MRS2: variants seen among roughly 807,000 people sequenced by gnomAD.
The protein encoded by MRS2 is magnesium transporter MRS2 homolog, mitochondrial.
A neutral mutation model predicts 52.6 loss-of-function variants in MRS2; 40 were observed. That is an observed-to-expected ratio of 0.76 (90% CI 0.59 to 0.99). The LOEUF (loss-of-function observed/expected upper bound fraction) is 0.99, where lower values mean the gene tolerates loss of function less well. MRS2 is among the 50% of genes least tolerant of loss of function. The pLI, the probability that MRS2 is intolerant of heterozygous loss-of-function variation, is 0.00. For synonymous variants in MRS2, 193 were observed against 195.9 expected (o/e 0.98, Z 0.13); for missense variants, 472 against 532.7 (o/e 0.89, Z 1.12).
Position 24,412,271 on chromosome 6 carries a change from G to T in MRS2, c.464G>T (p.Arg155Leu), listed in dbSNP as rs769862190. ...GAGTGTCTTCTGATATTAGATTATC[G>T]TAATTTAAACTTAGAGCAATGGCTG... ...TPECLLILDYRNLNLEQWLFR... is the reference protein window; with the variant it reads ...TPECLLILDYLNLNLEQWLFR... Residue 155 changes from arginine to leucine, a missense_variant, in exon 5 of 11, where the codon CGT (arginine) becomes CTT (leucine). Arg to Leu is a moderately radical substitution (Grantham distance 102). Transcript: ENST00000378386. The T allele has an allele frequency of 1.3e-6, 2 of 1,592,570 alleles. No homozygotes were observed. The highest frequency in any genetic ancestry group is 1.7e-6 in the Non-Finnish European group (2 of 1,171,096).
chr6:24,415,111 C>T lies in MRS2; in HGVS notation c.667C>T (p.His223Tyr). The change falls in exon 6 of 11, where the codon CAT becomes TAT. Residue 223 changes from histidine (H) to tyrosine (Y), a missense_variant. Transcript: ENST00000378386. Reference sequence around the variant, plus strand: ...CTTGGATGCTTTGGTGGACCCCAAACATTCTTCTGTAGACAGAAGCAAACT... The same window carrying T: ...CTTGGATGCTTTGGTGGACCCCAAATATTCTTCTGTAGACAGAAGCAAACT... ...ETLDALVDPK[H>Y]SSVDRSKLHI... is the part of the protein sequence containing the mutation. 1 of 1,611,620 alleles carries T rather than the reference C, an allele frequency of 6.2e-7. No homozygotes were observed. Among genetic ancestry groups the T allele is most frequent in the Non-Finnish European group, 8.5e-7 (1 of 1,178,168 alleles).
intron 9 of MRS2, among the ~76,000 whole-genome samples, chr6:24,420,784 G>A (rs1762019145): frequency 6.6e-6 from 1 of 152,158 alleles, no homozygotes; most frequent in Non-Finnish European, 1.5e-5. Flanking sequence ...AGTAAAGATT[G>A]AGGCAGGAAC....
intron 9 of MRS2, among the ~76,000 whole-genome samples, chr6:24,420,416 A>G (rs1160707283): frequency 1.3e-5 from 2 of 152,218 alleles, no homozygotes; most frequent in South Asian, 2.1e-4. Flanking sequence ...CAAAGACAGT[A>G]TTAGTCATTT....
intron 4 of MRS2, chr6:24,410,628 C>A: frequency 1.1e-6 from 1 of 939,978 alleles, no homozygotes. Flanking sequence ...TGTGACCAGC[C>A]TAAGCAACAT....
chr6:24,417,541 CA>C (rs1168157767), intron 7 of MRS2, among the ~76,000 whole-genome samples: 13 of 152,190 alleles, frequency 8.5e-5, no homozygotes, highest in African/African-American at 3.1e-4. Flanking sequence ...CCATGTAATA[CA>C]GTGACACCAA....
intron 9 of MRS2, chr6:24,419,322 G>GTACT (rs1761967241): frequency 6.6e-6 from 1 of 152,188 alleles, no homozygotes; most frequent in Non-Finnish European, 1.5e-5. Flanking sequence ...AATTCAGGCA[G>GTACT]TACTGTTGGA....
intron 9 of MRS2, chr6:24,418,866 TC>T: frequency 4.1e-6 from 1 of 244,692 alleles, no homozygotes. Flanking sequence ...GCCGTTGCAC[TC>T]CAGCCTGGGA....
In MRS2 at chr6:24,403,171, G is replaced by A. The variant is rs751159587; in HGVS notation, c.125G>A (p.Arg42Gln). 15 of 1,607,852 alleles carry A rather than the reference G, an allele frequency of 9.3e-6. No homozygotes were observed. In the East Asian group the frequency reaches 2.0e-4, roughly 21 times the overall value. The change falls in exon 1 of 11, where the codon CGA becomes CAA. Residue 42 changes from arginine to glutamine, a missense_variant. Transcript: ENST00000378386. Reference sequence around the variant, plus strand: ...CCTCCCGTTGCTGCCTGCGGCCGCCGAGCCAACCTGATTGGAAGGAGCCGA... The same window carrying A: ...CCTCCCGTTGCTGCCTGCGGCCGCCAAGCCAACCTGATTGGAAGGAGCCGA... ...VGPPVAACGR[R>Q]ANLIGRSRAA...
chr6:24,415,712 T>C (rs1180172696), intron 6 of MRS2, among the ~76,000 whole-genome samples: 10 of 152,224 alleles, frequency 6.6e-5, no homozygotes, highest in Admixed American at 2.6e-4. Flanking sequence ...CACTGCCATG[T>C]TGATTAATAA....
chr6:24,411,728 G>C (rs916036292), intron 4 of MRS2, among the ~76,000 whole-genome samples: 1 of 151,988 alleles, frequency 6.6e-6, no homozygotes, highest in Non-Finnish European at 1.5e-5. Context: ...TAGTAGAGAC[G>C]GGGTTTCACC....
chr6:24,420,217 T>G (rs1378082381), intron 9 of MRS2, among the ~76,000 whole-genome samples: 1 of 152,184 alleles, frequency 6.6e-6, no homozygotes, highest in Non-Finnish European at 1.5e-5. Context: ...ATCCCCGTTT[T>G]GCTTAGTTAC....
intron 9 of MRS2, among the ~76,000 whole-genome samples, chr6:24,420,462 GTTCA>G (rs1376954832): frequency 1.3e-5 from 2 of 152,306 alleles, no homozygotes; most frequent in East Asian, 3.9e-4. Context: ...AAATACATGT[GTTCA>G]TTCATCTCAC....
intron 2 of MRS2, among the ~76,000 whole-genome samples, chr6:24,406,219 C>T (rs1427057282): frequency 1.3e-5 from 2 of 151,958 alleles, no homozygotes; most frequent in Non-Finnish European, 2.9e-5. Flanking sequence ...ATCTTTGTGC[C>T]TTAGTTTTCT....
At chr6:24,403,601 T>C (rs1252888641) in intron 1 of MRS2, among the ~76,000 whole-genome samples, 1 of 152,240 alleles carries the variant, frequency 6.6e-6, no homozygotes, top group Non-Finnish European at 1.5e-5. Flanking sequence ...TGTGTTGTTT[T>C]TGAGACAGGG....
At position 24,415,019 on chromosome 6, in the gene MRS2, ATGT is replaced by A. The variant is rs1156923578; in HGVS notation, c.589-9_589-7del. 3 of 1,577,254 alleles carry A rather than the reference ATGT, an allele frequency of 1.9e-6. No individual in the cohort carries two copies. The highest frequency in any genetic ancestry group is 2.6e-6 in the Non-Finnish European group (3 of 1,154,710). ...ATTGTTTTAATTCTTATGAAAGGTC[ATGT>A]TGTTATCTAGATCAACACCCTTCAG... On this transcript the variant is annotated splice_polypyrimidine_tract_variant and intron_variant, in intron 5 of 10. Transcript: ENST00000378386.
intron 2 of MRS2, among the ~76,000 whole-genome samples, chr6:24,406,516 G>A (rs1402845455): frequency 6.6e-6 from 1 of 152,196 alleles, no homozygotes; most frequent in Non-Finnish European, 1.5e-5. Context: ...GCTCACGCCT[G>A]TAATCCCAAC....
rs1469878608 is a variant in MRS2 at position 24,424,810 on chromosome 6, C to T, written c.*1116C>T. On this transcript the variant is annotated 3_prime_UTR_variant, in exon 11 of 11. Coordinates refer to ENST00000378386, the MANE Select transcript of MRS2 (RefSeq NM_020662.4). ...ACTTACCCTGATGATATTGAGGGTA[C>T]ATGATTAGCCTAATGTGATGTCATA... 1 of 152,184 alleles carries T rather than the reference C, an allele frequency of 6.6e-6. No individual in the cohort carries two copies. Among genetic ancestry groups the T allele is most frequent in the Non-Finnish European group, 1.5e-5 (1 of 68,028 alleles). 9.4% of individuals were successfully genotyped at this position (152,184 alleles called of 1,614,324 possible). A position where few individuals can be genotyped will look rare whatever the true frequency, so the allele number is the denominator to read the frequency against.
Position 24,416,416 on chromosome 6 carries a change from GAT to G in MRS2, c.742_743del (p.Ile248Ter). 2 of 1,499,294 alleles carry G rather than the reference GAT, an allele frequency of 1.3e-6. No individual in the cohort carries two copies. Among genetic ancestry groups the G allele is most frequent in the African/African-American group, 1.4e-5 (1 of 72,598 alleles). 92.9% of individuals were successfully genotyped at this position (1,499,294 alleles called of 1,614,324 possible). On this transcript the variant is annotated frameshift_variant, in exon 7 of 11. Coordinates refer to ENST00000378386, the MANE Select transcript of MRS2 (RefSeq NM_020662.4). LOFTEE classifies it high-confidence loss of function. ...TTATAGTCTATCAGAGTTAGAAACA[GAT>G]ATTAAAATTTTCAAAGAGTCAATTT... ...NGKSLSELET[D>X]IKIFKESILE...
rs571615480 is a variant in MRS2 at position 24,414,241 on chromosome 6, C to T, written c.589-792C>T. On this transcript the variant is annotated intron_variant, in intron 5 of 10. Coordinates refer to ENST00000378386, the MANE Select transcript of MRS2 (RefSeq NM_020662.4). ...CATAGGACAATAGTGGAGGGAAGGT[C>T]AGCAGATAAACATGTGAACAAGGGT... Among the ~76,000 whole-genome samples, 621 of 151,994 alleles carry T rather than the reference C, an allele frequency of 4.1e-3. 1 individual carries two copies. Among genetic ancestry groups the T allele is most frequent in the Non-Finnish European group, 6.8e-3 (462 of 67,986 alleles).
Sources: allele counts gnomAD v4.1 joint callset (sites outside exome capture counted in the v4.1 genomes callset), GRCh38; gene constraint gnomAD v4.1.1; transcripts MANE v1.5; gene names NCBI Gene and HGNC (gene_info 2026-07-23, HGNC 2026-07-21).